Variants in ASTN2 observed in about 807,000 individuals in gnomAD.
ASTN2 encodes the protein astrotactin-2.
ASTN2 carries 54 observed loss-of-function variants against 139.8 expected under a neutral mutation model. The ratio of observed to expected loss-of-function variants is 0.39; its 90% CI spans 0.31 to 0.48. ASTN2 has a LOEUF of 0.48. Ranked by LOEUF, ASTN2 falls within the 20% of genes least tolerant of loss-of-function variation. ASTN2 has a pLI of 0.95. For synonymous variants in ASTN2, 756 were observed against 719.5 expected, an observed-to-expected ratio of 1.05 and a Z score of -0.81; for missense variants, 1,565 against 1,725.1, an observed-to-expected ratio of 0.91 and a Z score of 1.64.
At chr9:117,075,701 A>G (rs923894490) in intron 5 of ASTN2, among the ~76,000 whole-genome samples, 6 of 152,086 alleles carry the variant, frequency 3.9e-5, no homozygotes, top group African/African-American at 7.2e-5. Context: ...TTTGCCACTG[A>G]CCTTCTATAT....
At chr9:116,660,573 C>A (rs1858502549) in intron 16 of ASTN2, among the ~76,000 whole-genome samples, 2 of 152,170 alleles carry the variant, frequency 1.3e-5, no homozygotes, top group South Asian at 4.2e-4. Flanking sequence ...TCAAGAGCAT[C>A]ATCAGAGGTC....
rs1173526621 is a variant in ASTN2 at position 117,065,120 on chromosome 9, A to C, written c.1277-25155T>G. ...GGGATTGGAGCAATGCACATACAGG[A>C]CTAGGAACTTCGAGGATTGCTGACA... is the stretch of plus-strand genomic sequence containing the variant. On this transcript the variant is annotated intron_variant, in intron 5 of 22. Transcript: ENST00000313400. 2.0e-5 allele frequency among the ~76,000 whole-genome samples: 3 copies of C among 152,126 alleles called. 1 individual carries two copies.
rs760423869 is a variant in ASTN2, at chr9:116,425,609, G to A, written c.*242C>T. On this transcript the variant is annotated 3_prime_UTR_variant, in exon 23 of 23. Coordinates refer to ENST00000313400, the MANE Select transcript of ASTN2 (RefSeq NM_001365068.1). Reference sequence around the variant, plus strand: ...AAAGGTTTAAAAAGGAGAGACTTTTGATAGAGTCAAATAATATCTTTGAAA... The same window carrying A: ...AAAGGTTTAAAAAGGAGAGACTTTTAATAGAGTCAAATAATATCTTTGAAA... 2.5e-6 allele frequency: 4 copies of A among 1,613,072 alleles called. No individual in the cohort carries two copies. Among genetic ancestry groups the A allele is most frequent in the Non-Finnish European group, 3.4e-6 (4 of 1,179,770 alleles).
At chr9:117,353,321 T>C (rs986638982) in intron 1 of ASTN2, among the ~76,000 whole-genome samples, 2 of 152,154 alleles carry the variant, frequency 1.3e-5, no homozygotes, top group African/African-American at 4.8e-5. Flanking sequence ...TGCTGTCCAA[T>C]AGAACTTTCT....
intron 16 of ASTN2, among the ~76,000 whole-genome samples, chr9:116,680,041 A>C (rs1859749640): frequency 6.6e-6 from 1 of 152,140 alleles, no homozygotes; most frequent in South Asian, 2.1e-4. Context: ...AAGTGAAGGA[A>C]ATAGAGACAC....
At chr9:117,120,582 G>A (rs960401019) in intron 4 of ASTN2, among the ~76,000 whole-genome samples, 21 of 152,176 alleles carry the variant, frequency 1.4e-4, no homozygotes, top group African/African-American at 4.8e-4. Flanking sequence ...GTAACAGAAT[G>A]GAGTCACAAC....
At chr9:116,784,786 A>C (rs1022217799) in intron 13 of ASTN2, among the ~76,000 whole-genome samples, 8 of 152,188 alleles carry the variant, frequency 5.3e-5, no homozygotes, top group African/African-American at 1.9e-4. Context: ...AAAAGTAGAC[A>C]GGCGTGGTGC....
chr9:117,124,383 T>C (rs1282659519), intron 4 of ASTN2, among the ~76,000 whole-genome samples: 1 of 152,068 alleles, frequency 6.6e-6, no homozygotes, highest in Non-Finnish European at 1.5e-5. Flanking sequence ...GTATTTGCCA[T>C]AACAGGAAAA....
rs575401127 is a variant in ASTN2 at position 116,719,165 on chromosome 9, G to T, written c.2806+6606C>A. Among the ~76,000 whole-genome samples, 25 of 151,610 alleles carry T rather than the reference G, an allele frequency of 1.6e-4. No individual in the cohort carries two copies. In the East Asian group the frequency reaches 4.9e-3, roughly 30 times the overall value. On this transcript the variant is annotated intron_variant, in intron 16 of 22. Coordinates refer to ENST00000313400, the MANE Select transcript of ASTN2 (RefSeq NM_001365068.1). ...GCTGGAATCCAGACAAGCTATGATG[G>T]TGACTTGGAATAGGGTGGCAACAGT... is the stretch of plus-strand genomic sequence containing the variant.
intron 17 of ASTN2, among the ~76,000 whole-genome samples, chr9:116,625,580 A>ACCACAACATATTCTAT (rs6151137): frequency 6.6e-6 from 1 of 151,664 alleles, no homozygotes; most frequent in Admixed American, 6.6e-5. Flanking sequence ...TTTCTAAAAC[A>ACCACAACATATTCTAT]CCTCTTGCTT....
intron 19 of ASTN2, among the ~76,000 whole-genome samples, chr9:116,505,809 CCTT>C: frequency 6.6e-6 from 1 of 152,236 alleles, no homozygotes; most frequent in East Asian, 1.9e-4. Context: ...ACTGTGCCCT[CCTT>C]GGTGCTCCTG....
intron 13 of ASTN2, among the ~76,000 whole-genome samples, chr9:116,794,483 C>T (rs1269356969): frequency 6.6e-6 from 1 of 152,100 alleles, no homozygotes; most frequent in Non-Finnish European, 1.5e-5. Context: ...GGCTTGCAGG[C>T]TGTGGGTTGG....
At chr9:116,884,875 GCGCT>G (rs1833554604) in intron 10 of ASTN2, among the ~76,000 whole-genome samples, 1 of 136,976 alleles carries the variant, frequency 7.3e-6, no homozygotes, top group Admixed American at 8.4e-5. Context: ...GACTGCAGTG[GCGCT>G]ATCTTGGCTC....
intron 20 of ASTN2, among the ~76,000 whole-genome samples, chr9:116,455,921 G>C (rs1848319749): frequency 6.6e-6 from 1 of 151,546 alleles, no homozygotes; most frequent in South Asian, 2.1e-4. Context: ...ATACCAAATG[G>C]GGAAAAACAA....
intron 2 of ASTN2, chr9:117,277,082 C>G (rs1277017454): frequency 2.6e-5 from 4 of 152,200 alleles, no homozygotes; most frequent in Admixed American, 6.5e-5. Context: ...CTCTTCCCCC[C>G]TCACTGCTCT....
intron 11 of ASTN2, among the ~76,000 whole-genome samples, chr9:116,826,002 A>G (rs925771962): frequency 6.6e-6 from 1 of 152,148 alleles, no homozygotes; most frequent in Non-Finnish European, 1.5e-5. Context: ...GCAGGCTGCT[A>G]TTGAGACTGA....
In ASTN2 at chr9:116,651,783, C is replaced by A. The variant is rs1173449236; in HGVS notation, c.2817G>T (p.Glu939Asp). 2 of 1,613,326 alleles carry A rather than the reference C, an allele frequency of 1.2e-6. No individual in the cohort carries two copies. The highest frequency in any genetic ancestry group is 1.7e-5 in the Admixed American group (1 of 59,990). The change falls in exon 17 of 23, where the codon GAG (glutamate) becomes GAT (aspartate). Residue 939 changes from glutamate to aspartate, a missense_variant. Around this residue, in one of 4 missense-constraint regions of ASTN2, gnomAD observed 48 missense variants for 90.7 expected, o/e 0.53. Transcript: ENST00000313400. Reference sequence around the variant, plus strand: ...ACTTGAGCTCCTTCTTGCTGCCCAGCTCTGTGGTCTCTGGAGAGGCACAAG... The same window carrying A: ...ACTTGAGCTCCTTCTTGCTGCCCAGATCTGTGGTCTCTGGAGAGGCACAAG... The part of the protein sequence containing the change: ...LWLQYQKETT[E>D]LGSKKELKSM...
intron 13 of ASTN2, among the ~76,000 whole-genome samples, chr9:116,779,571 C>G (rs1386199696): frequency 6.6e-6 from 1 of 152,116 alleles, no homozygotes; most frequent in African/African-American, 2.4e-5. Context: ...CCTGACCTTT[C>G]ACCTTTGAGT....
At chr9:116,898,884 C>T (rs754658494) in intron 10 of ASTN2, among the ~76,000 whole-genome samples, 6 of 152,078 alleles carry the variant, frequency 3.9e-5, no homozygotes, top group Non-Finnish European at 5.9e-5. Context: ...ATCGCCCTAG[C>T]TGGTCTCAAA....
Sources: gnomAD v4.1 joint callset for allele counts (sites outside exome capture counted in the v4.1 genomes callset) on GRCh38, gnomAD v4.1.1 for gene constraint, gnomAD v4.1.1 regional missense constraint, MANE v1.5 for transcripts, NCBI Gene and HGNC (gene_info 2026-07-23, HGNC 2026-07-21) for gene names.